Variants in CTBP2 observed in about 807,000 individuals in gnomAD.
CTBP2 encodes the protein C-terminal binding protein 2, also known as C-terminal-binding protein 2.
In CTBP2, 30 loss-of-function variants were observed where a neutral mutation model predicts 80.3. That is an observed-to-expected ratio of 0.37 (90% CI 0.28 to 0.51). The LOEUF (loss-of-function observed/expected upper bound fraction) is 0.51, where lower values mean the gene tolerates loss of function less well. Ranked by LOEUF, CTBP2 falls within the 20% of genes least tolerant of loss-of-function variation. The pLI is 0.93. For missense variants in CTBP2, 1,212 were observed against 1,375.3 expected, an observed-to-expected ratio of 0.88 and a Z score of 1.88; for synonymous variants, 594 against 587.4, an observed-to-expected ratio of 1.01 and a Z score of -0.16.
intron 2 of CTBP2, among the ~76,000 whole-genome samples, chr10:125,092,176 C>CT (rs71029238): frequency 0.12 from 10,131 of 86,994 alleles, 701 homozygotes; most frequent in Middle Eastern, 0.19. Flanking sequence ...TCTGAAGATT[C>CT]TTTTTTTTTT....
chr10:125,131,388 T>C (rs1190539122), intron 1 of CTBP2, among the ~76,000 whole-genome samples: 1 of 152,194 alleles, frequency 6.6e-6, no homozygotes, highest in Non-Finnish European at 1.5e-5. Flanking sequence ...TTTAGGTGGA[T>C]GCCATTTGGG....
intron 2 of CTBP2, among the ~76,000 whole-genome samples, chr10:125,093,325 G>T (rs1849064296): frequency 6.6e-6 from 1 of 152,236 alleles, no homozygotes; most frequent in African/African-American, 2.4e-5. Flanking sequence ...AATTCTCACT[G>T]AAGAATTCCA....
intron 2 of CTBP2, among the ~76,000 whole-genome samples, chr10:125,075,316 G>C (rs1846117044): frequency 6.6e-6 from 1 of 152,172 alleles, no homozygotes; most frequent in Non-Finnish European, 1.5e-5. Context: ...ATTCTGGGAG[G>C]TGGGGCGTTA....
At position 125,026,088 on chromosome 10, in the gene CTBP2, C is replaced by T. The variant is rs772518115; in HGVS notation, c.1672G>A (p.Glu558Lys). 4.5e-6 allele frequency: 7 copies of T among 1,563,508 alleles called. No individual in the cohort carries two copies. In the African/African-American group the frequency reaches 9.4e-5, roughly 21 times the overall value. ...GGCGGGGAGGATGTATTACTTGGTT[C>T]TGGTGCAAGCATGGTGGACACGATG... The change falls in exon 1 of 9, where the codon GAA becomes AAA. Residue 558 changes from glutamate to lysine, a missense_variant. Around this residue, in one of 3 missense-constraint regions of CTBP2, gnomAD observed 848 missense variants for 782.3 expected, o/e 1.08. Coordinates refer to ENST00000309035, the MANE Select transcript of CTBP2 (RefSeq NM_022802.3).
At chr10:124,989,810 TGGCTCACCTTGACC>T (rs949708271) in intron 8 of CTBP2, 112 bp from the exon 11 acceptor site, 1 of 1,052,802 alleles carries the variant, frequency 9.5e-7, no homozygotes, top group African/African-American at 1.6e-5. Flanking sequence ...GACATGAACA[TGGCTCACCTTGACC>T]GACCTTCTGG....
At chr10:125,069,270 T>C (rs746064871) in intron 2 of CTBP2, among the ~76,000 whole-genome samples, 11 of 152,208 alleles carry the variant, frequency 7.2e-5, no homozygotes, top group African/African-American at 2.4e-5. Flanking sequence ...AAAATCAGTA[T>C]TGGAATTAGT....
At chr10:125,095,076 A>G (rs1161605495) in intron 2 of CTBP2, among the ~76,000 whole-genome samples, 4 of 152,210 alleles carry the variant, frequency 2.6e-5, no homozygotes, top group South Asian at 4.2e-4. Flanking sequence ...GCTGAGGTGG[A>G]GCTGAGAACA....
intron 2 of CTBP2, among the ~76,000 whole-genome samples, chr10:125,050,314 A>G (rs1962411286): frequency 6.6e-6 from 1 of 152,278 alleles, no homozygotes; most frequent in South Asian, 2.1e-4. Context: ...CTAGATTCAA[A>G]GACACCGCTT....
chr10:125,032,414 C>T (rs551349883), upstream of CTBP2, among the ~76,000 whole-genome samples: 3 of 152,160 alleles, frequency 2.0e-5, no homozygotes, highest in African/African-American at 2.4e-5. Flanking sequence ...CCCAGGATGC[C>T]GTCCTTCCTC....
At chr10:125,049,497 A>G (rs1962203678) in intron 2 of CTBP2, among the ~76,000 whole-genome samples, 2 of 152,170 alleles carry the variant, frequency 1.3e-5, no homozygotes, top group South Asian at 4.1e-4. Context: ...TGATGCCACG[A>G]ATACCTCACA....
At chr10:125,115,762 C>T (rs1003596231) in intron 1 of CTBP2, among the ~76,000 whole-genome samples, 2 of 152,184 alleles carry the variant, frequency 1.3e-5, no homozygotes, top group African/African-American at 4.8e-5. Context: ...AATGGTTAGG[C>T]ATCCCAAGCG....
chr10:125,093,023 G>A (rs1229841539), intron 2 of CTBP2, among the ~76,000 whole-genome samples: 3 of 152,058 alleles, frequency 2.0e-5, no homozygotes, highest in Non-Finnish European at 2.9e-5. Flanking sequence ...CTCAGAACGC[G>A]CACTCAGTGC....
intron 1 of CTBP2, among the ~76,000 whole-genome samples, chr10:125,118,148 T>G (rs904382046): frequency 2.0e-5 from 3 of 152,252 alleles, no homozygotes; most frequent in African/African-American, 4.8e-5. Context: ...ATAGGATATG[T>G]TTCCAGTGTT....
rs57664204 is a variant in CTBP2, at chr10:125,041,554, G to A, written c.-101-2399C>T. On this transcript the variant is annotated intron_variant, in intron 2 of 10. Coordinates refer to the CTBP2 transcript ENST00000337195. ...GACTCTAGGTGAGGCTGACCAGGGA[G>A]GCTCGGGCCAGCAATTGTCATTTGC... 4.3e-3 allele frequency among the ~76,000 whole-genome samples: 608 copies of A among 139,976 alleles called. 6 individuals are homozygous for A. The highest frequency in any genetic ancestry group is 0.019 in the Middle Eastern group (5 of 262). 91.8% of individuals were successfully genotyped at this position (139,976 alleles called of 152,430 possible).
Position 125,141,729 on chromosome 10 carries a change from T to C in CTBP2, c.-206+18590A>G, listed in dbSNP as rs140565778. On this transcript the variant is annotated intron_variant, in intron 1 of 10. Coordinates refer to the CTBP2 transcript ENST00000337195. ...AAACACTCAGCAAGTACATGGCAAA[T>C]GCACAGCAGGTACACAGCGAGCACA... 3.5e-3 allele frequency among the ~76,000 whole-genome samples: 519 copies of C among 149,650 alleles called. 2 individuals carry two copies. The highest frequency in any genetic ancestry group is 0.012 in the African/African-American group (500 of 40,458).
intron 1 of CTBP2, among the ~76,000 whole-genome samples, chr10:125,154,952 G>C (rs1860657396): frequency 6.6e-6 from 1 of 152,230 alleles, no homozygotes; most frequent in African/African-American, 2.4e-5. Context: ...TTAAAGTCAG[G>C]AGAGGAGTAA....
intron 1 of CTBP2, among the ~76,000 whole-genome samples, chr10:125,024,568 C>T (rs1022577531): frequency 3.9e-5 from 6 of 152,210 alleles, no homozygotes; most frequent in African/African-American, 7.2e-5. Flanking sequence ...GTTCCTCCTT[C>T]GGCAAAACCT....
chr10:125,078,294 A>ACAAC (rs535415737), intron 2 of CTBP2, among the ~76,000 whole-genome samples: 9,691 of 150,908 alleles, frequency 0.064, 442 homozygotes, highest in Middle Eastern at 0.14. Context: ...AAAAAAAAAA[A>ACAAC]AAAAAACCTT....
At chr10:125,069,118 A>G (rs1845075746) in intron 2 of CTBP2, among the ~76,000 whole-genome samples, 1 of 152,056 alleles carries the variant, frequency 6.6e-6, no homozygotes, top group South Asian at 2.1e-4. Flanking sequence ...CTTTCTCAGG[A>G]CCAAGGGTTT....
Sources: gnomAD v4.1 joint callset for allele counts (sites outside exome capture counted in the v4.1 genomes callset) on GRCh38, gnomAD v4.1.1 for gene constraint, gnomAD v4.1.1 regional missense constraint, MANE v1.5 for transcripts, NCBI Gene and HGNC (gene_info 2026-07-23, HGNC 2026-07-21) for gene names.